HS6ST3: variants seen among roughly 807,000 people sequenced by gnomAD.
HS6ST3 encodes the protein heparan sulfate 6-O-sulfotransferase 3.
Under a neutral mutation model 36.7 loss-of-function variants are expected in HS6ST3, and 12 were observed. The observed-to-expected ratio is 0.33, with a 90% CI of 0.21 to 0.53. The LOEUF (loss-of-function observed/expected upper bound fraction) is 0.53. Ranked by LOEUF, HS6ST3 falls within the 20% of genes least tolerant of loss-of-function variation. The pLI is 0.95. For missense variants in HS6ST3, 584 were observed against 640.9 expected (o/e 0.91, Z 0.96); for synonymous variants, 240 against 257.5 (o/e 0.93, Z 0.65).
At chr13:96,722,261 T>C (rs748397310) in intron 1 of HS6ST3, among the ~76,000 whole-genome samples, 1 of 151,688 alleles carries the variant, frequency 6.6e-6, no homozygotes, top group Non-Finnish European at 1.5e-5. Context: ...CGAGATTCCG[T>C]CTAAAAAAAA....
intron 1 of HS6ST3, among the ~76,000 whole-genome samples, chr13:96,722,617 C>T (rs924060785): frequency 5.9e-5 from 9 of 152,148 alleles, no homozygotes; most frequent in Admixed American, 5.9e-4. Context: ...CTCTGGGAAC[C>T]TTATTTTATT....
chr13:96,455,224 G>C (rs771216307), intron 1 of HS6ST3, among the ~76,000 whole-genome samples: 1 of 149,400 alleles, frequency 6.7e-6, no homozygotes, highest in Non-Finnish European at 1.5e-5. Flanking sequence ...ACAAGGGGTT[G>C]TTGTTGTTGT....
chr13:96,733,274 C>A (rs933995795), intron 1 of HS6ST3, among the ~76,000 whole-genome samples: 4 of 152,170 alleles, frequency 2.6e-5, no homozygotes, highest in Admixed American at 1.3e-4. Flanking sequence ...GGTTTGTCAT[C>A]TATCGACTTT....
chr13:96,577,874 C>T (rs1311244031), intron 1 of HS6ST3, among the ~76,000 whole-genome samples: 3 of 152,200 alleles, frequency 2.0e-5, no homozygotes, highest in South Asian at 4.1e-4. Context: ...GAAATAAGAA[C>T]GCTTTTACAC....
chr13:96,524,187 G>C (rs2056104879), intron 1 of HS6ST3, among the ~76,000 whole-genome samples: 1 of 152,090 alleles, frequency 6.6e-6, no homozygotes, highest in African/African-American at 2.4e-5. Context: ...ACCAGCAGAG[G>C]CTGCAGAACA....
intron 1 of HS6ST3, among the ~76,000 whole-genome samples, chr13:96,504,764 C>A (rs2138915505): frequency 6.6e-6 from 1 of 152,118 alleles, no homozygotes; most frequent in Admixed American, 6.5e-5. Context: ...ATATTATGAG[C>A]ATGTTGTGAT....
intron 1 of HS6ST3, among the ~76,000 whole-genome samples, chr13:96,423,271 C>T (rs2055570039): frequency 6.6e-6 from 1 of 152,046 alleles, no homozygotes; most frequent in African/African-American, 2.4e-5. Flanking sequence ...GCATTCATTC[C>T]AAACATATTT....
At chr13:96,444,842 A>G (rs2055690297) in intron 1 of HS6ST3, among the ~76,000 whole-genome samples, 1 of 152,190 alleles carries the variant, frequency 6.6e-6, no homozygotes. Flanking sequence ...TTTCTTACAG[A>G]CTGAATGGAT....
intron 1 of HS6ST3, among the ~76,000 whole-genome samples, chr13:96,133,028 C>A (rs2139312685): frequency 6.6e-6 from 1 of 152,016 alleles, no homozygotes; most frequent in African/African-American, 2.4e-5. Context: ...TGGATATTAA[C>A]TCATAATATA....
intron 1 of HS6ST3, among the ~76,000 whole-genome samples, chr13:96,761,522 A>G (rs1260491639): frequency 6.6e-6 from 1 of 151,934 alleles, no homozygotes; most frequent in African/African-American, 2.4e-5. Flanking sequence ...AACTGTTTTA[A>G]TTTATTTCAG....
chr13:96,403,602 A>G (rs1480157659), intron 1 of HS6ST3, among the ~76,000 whole-genome samples: 1 of 152,180 alleles, frequency 6.6e-6, no homozygotes, highest in African/African-American at 2.4e-5. Flanking sequence ...AGAAAAAAAA[A>G]TCCCCGTGAG....
intron 1 of HS6ST3, among the ~76,000 whole-genome samples, chr13:96,176,629 G>T (rs1488552169): frequency 2.0e-5 from 3 of 152,072 alleles, no homozygotes; most frequent in Non-Finnish European, 4.4e-5. Flanking sequence ...GGAATGTATT[G>T]TGACATCATG....
At chr13:96,716,332 A>G (rs1437871947) in intron 1 of HS6ST3, among the ~76,000 whole-genome samples, 1 of 152,154 alleles carries the variant, frequency 6.6e-6, no homozygotes, top group African/African-American at 2.4e-5. Context: ...TAAACTACTG[A>G]AAAGCATAAC....
chr13:96,285,706 A>G (rs1566311857), intron 1 of HS6ST3, among the ~76,000 whole-genome samples: 1 of 152,182 alleles, frequency 6.6e-6, no homozygotes, highest in Admixed American at 6.5e-5. Context: ...TTTCGATTGC[A>G]AGGAAGAGAA....
chr13:96,362,933 T>G (rs1007271419), intron 1 of HS6ST3, among the ~76,000 whole-genome samples: 1 of 152,222 alleles, frequency 6.6e-6, no homozygotes, highest in African/African-American at 2.4e-5. Context: ...CCATTCCACA[T>G]GATTCCATTT....
chr13:96,570,289 G>A (rs748688417), intron 1 of HS6ST3, among the ~76,000 whole-genome samples: 1 of 152,094 alleles, frequency 6.6e-6, no homozygotes, highest in Non-Finnish European at 1.5e-5. Context: ...CAGTTTCTTT[G>A]CTCATACCTC....
intron 1 of HS6ST3, among the ~76,000 whole-genome samples, chr13:96,460,797 C>T (rs1458755814): frequency 6.6e-6 from 1 of 152,122 alleles, no homozygotes; most frequent in Non-Finnish European, 1.5e-5. Context: ...GCAGTGTGCC[C>T]ACTCAGCACA....
chr13:96,800,041 A>C (rs779390371), intron 1 of HS6ST3, among the ~76,000 whole-genome samples: 1 of 131,952 alleles, frequency 7.6e-6, no homozygotes, highest in South Asian at 2.5e-4. Flanking sequence ...AGAGAGAAAG[A>C]GAATAGTTCA....
chr13:96,480,464 G>C lies in HS6ST3; in HGVS notation c.708-352026G>C, dbSNP rs142164940. 1.7e-3 allele frequency among the ~76,000 whole-genome samples: 255 copies of C among 152,238 alleles called. 2 individuals carry two copies. Among genetic ancestry groups the C allele is most frequent in the African/African-American group, 5.8e-3 (240 of 41,542 alleles). ...TACATGTGTTTAAGTGTGACTGTGT[G>C]CGTGTGTGCATGTGTGTGTGTGTAG... is the stretch of plus-strand genomic sequence containing the variant. On this transcript the variant is annotated intron_variant, in intron 1 of 1. Transcript: ENST00000376705.
Sources: gnomAD v4.1 joint callset for allele counts (sites outside exome capture counted in the v4.1 genomes callset) on GRCh38, gnomAD v4.1.1 for gene constraint, MANE v1.5 for transcripts, NCBI Gene and HGNC (gene_info 2026-07-23, HGNC 2026-07-21) for gene names.